DNAH8: variants seen among roughly 807,000 people sequenced by gnomAD.
The protein encoded by DNAH8 is axonemal beta dynein heavy chain 8.
DNAH8 carries 382 observed loss-of-function variants against 562.1 expected under a neutral mutation model. The ratio of observed to expected loss-of-function variants is 0.68; its 90% CI spans 0.63 to 0.74. DNAH8 has a LOEUF of 0.74. DNAH8 is among the 30% of genes least tolerant of loss of function. The pLI is 0.00. For missense variants in DNAH8, 5,203 were observed against 5,620.4 expected, an observed-to-expected ratio of 0.93 and a Z score of 2.37; for synonymous variants, 1,881 against 1,919.4, an observed-to-expected ratio of 0.98 and a Z score of 0.52.
intron 52 of DNAH8, among the ~76,000 whole-genome samples, chr6:38,874,137 TTCTC>T (rs1229777712): frequency 7.5e-6 from 1 of 133,168 alleles, no homozygotes; most frequent in Non-Finnish European, 1.6e-5. Context: ...CTTTCTTTCT[TTCTC>T]TTTCTCCTTC....
At chr6:38,776,087 A>C in intron 13 of DNAH8, 136 bp downstream of exon 13, 1 of 636,970 alleles carries the variant, frequency 1.6e-6, no homozygotes, top group East Asian at 2.6e-5. Flanking sequence ...CATTGACCAA[A>C]CATATTTGCA....
chr6:38,818,225 T>C (rs1772464666), intron 26 of DNAH8, among the ~76,000 whole-genome samples: 1 of 152,084 alleles, frequency 6.6e-6, no homozygotes, highest in African/African-American at 2.4e-5. Flanking sequence ...AGAAGATCAG[T>C]ATCTAATTTT....
chr6:39,022,626 G>A (rs1203251946), intron 91 of DNAH8, among the ~76,000 whole-genome samples: 3 of 152,240 alleles, frequency 2.0e-5, no homozygotes, highest in African/African-American at 7.2e-5. Flanking sequence ...CCCTGCTCAG[G>A]GATGGGCTGG....
chr6:38,863,158 C>T (rs867449759), intron 44 of DNAH8, among the ~76,000 whole-genome samples: 17 of 152,192 alleles, frequency 1.1e-4, no homozygotes, highest in African/African-American at 3.4e-4. Flanking sequence ...AACTCCCGGC[C>T]GGGCACGGCT....
intron 91 of DNAH8, among the ~76,000 whole-genome samples, chr6:39,023,543 C>G (rs1282162520): frequency 6.6e-6 from 1 of 152,090 alleles, no homozygotes; most frequent in Non-Finnish European, 1.5e-5. Context: ...TGTGCCAAAA[C>G]AAAAGTACTG....
chr6:38,828,736 A>G (rs757371501), intron 30 of DNAH8, among the ~76,000 whole-genome samples: 4 of 152,214 alleles, frequency 2.6e-5, no homozygotes, highest in Non-Finnish European at 5.9e-5. Flanking sequence ...TTATTGAGAT[A>G]GAATACACAT....
intron 35 of DNAH8, among the ~76,000 whole-genome samples, chr6:38,844,660 A>C (rs926875619): frequency 6.6e-6 from 1 of 152,180 alleles, no homozygotes; most frequent in Non-Finnish European, 1.5e-5. Flanking sequence ...TTGGTACACA[A>C]AACAGAGTCT....
intron 82 of DNAH8, among the ~76,000 whole-genome samples, chr6:38,958,564 C>T (rs751693814): frequency 3.4e-5 from 5 of 146,692 alleles, no homozygotes; most frequent in Non-Finnish European, 7.4e-5. Context: ...ATATAACCTA[C>T]CAAGACTGAA....
At chr6:38,759,067 C>T (rs1391891649) in intron 10 of DNAH8, among the ~76,000 whole-genome samples, 1 of 152,068 alleles carries the variant, frequency 6.6e-6, no homozygotes, top group African/African-American at 2.4e-5. Flanking sequence ...CTTTGGGAGG[C>T]TGAGGTGGGA....
chr6:38,820,148 A>G (rs531279279), intron 26 of DNAH8, among the ~76,000 whole-genome samples: 3 of 152,320 alleles, frequency 2.0e-5, no homozygotes, highest in East Asian at 3.9e-4. Flanking sequence ...AAGAAAAGCA[A>G]GGTAGGGGGT....
At chr6:39,004,256 T>C (rs1181240236) in intron 88 of DNAH8, among the ~76,000 whole-genome samples, 1 of 152,076 alleles carries the variant, frequency 6.6e-6, no homozygotes, top group Non-Finnish European at 1.5e-5. Flanking sequence ...TTTACTTTCC[T>C]TTCTCTTAGA....
intron 52 of DNAH8, among the ~76,000 whole-genome samples, chr6:38,874,103 TCCTTCCTTCCTTCCTCC>T (rs1230438660): frequency 1.5e-5 from 1 of 67,260 alleles, no homozygotes; most frequent in Non-Finnish European, 3.2e-5. Flanking sequence ...TTTCTCTTTC[TCCTTCCTTCCTTCCTCC>T]TTCTCTCTTT....
rs185096134 is a variant in DNAH8, at chr6:38,776,576, G to A, written c.1962+625G>A. On this transcript the variant is annotated intron_variant, in intron 13 of 92. Transcript: ENST00000327475. ...TTCTTGTGCCTAGGAGCACAAGAGA[G>A]CATTTGTAAACATTATTCTTTATCA... 1.4e-3 allele frequency among the ~76,000 whole-genome samples: 216 copies of A among 152,182 alleles called. No homozygotes were observed. The Middle Eastern group carries it at 0.024, about 17-fold the overall frequency.
Position 38,860,677 on chromosome 6 carries a change from A to T in DNAH8, c.6131+48A>T, listed in dbSNP as rs6458073. ...TTTATTTTGTAATTTTAAAATGTGC[A>T]TAACATTATTTATAGTTGAATTTGA... On this transcript the variant is annotated intron_variant, in intron 43 of 92. Transcript: ENST00000327475. The T allele has an allele frequency of 0.43, 561,029 of 1,308,662 alleles. 123,601 individuals are homozygous for T. The highest frequency in any genetic ancestry group is 0.69 in the East Asian group (25,667 of 37,470). The allele number at this position is 1,308,662 out of a possible 1,614,324, so 81.1% of individuals were successfully genotyped here.
intron 17 of DNAH8, among the ~76,000 whole-genome samples, chr6:38,786,137 T>C (rs944140057): frequency 2.0e-5 from 3 of 152,250 alleles, no homozygotes; most frequent in African/African-American, 7.2e-5. Context: ...TAAGAACTGC[T>C]TGGGCTTATG....
chr6:38,798,033 G>T (rs923357258), intron 21 of DNAH8, among the ~76,000 whole-genome samples: 2 of 151,420 alleles, frequency 1.3e-5, no homozygotes, highest in African/African-American at 4.9e-5. Context: ...AGCCGAGACC[G>T]TGTCCACTCC....
At chr6:38,775,632 G>A (rs1017050728) in intron 12 of DNAH8, 122 bp from the exon 13 acceptor site, 7 of 637,804 alleles carry the variant, frequency 1.1e-5, no homozygotes, top group Middle Eastern at 8.6e-4. Flanking sequence ...TGGTTTTAGC[G>A]AAATTATTCT....
intron 87 of DNAH8, among the ~76,000 whole-genome samples, chr6:38,987,214 G>A (rs138416305): frequency 2.6e-5 from 4 of 152,310 alleles, no homozygotes; most frequent in Non-Finnish European, 2.9e-5. Context: ...AGCACACGGA[G>A]GGGGAGGAAG....
At chr6:38,979,268 A>G (rs1763883603) in intron 85 of DNAH8, among the ~76,000 whole-genome samples, 1 of 152,212 alleles carries the variant, frequency 6.6e-6, no homozygotes, top group Admixed American at 6.5e-5. Flanking sequence ...CTATCCCATT[A>G]TTCTTTTTCT....
Sources: allele counts gnomAD v4.1 joint callset (sites outside exome capture counted in the v4.1 genomes callset), GRCh38; gene constraint gnomAD v4.1.1; transcripts MANE v1.5; gene names NCBI Gene and HGNC (gene_info 2026-07-23, HGNC 2026-07-21).